P2RY2: variants seen among roughly 807,000 people sequenced by gnomAD.
P2RY2 encodes the protein P2Y purinoceptor 2.
For missense variants in P2RY2, 567 were observed against 515.7 expected, an observed-to-expected ratio of 1.10 and a Z score of -0.96; for synonymous variants, 241 against 231.9, an observed-to-expected ratio of 1.04 and a Z score of -0.35.
At chr11:73,226,065 G>C (rs921219744) in intron 1 of P2RY2, among the ~76,000 whole-genome samples, 3 of 152,194 alleles carry the variant, frequency 2.0e-5, no homozygotes, top group Admixed American at 2.0e-4. Flanking sequence ...GGAGGCTGCT[G>C]CTGTGGACTG....
chr11:73,234,307 C>A lies in P2RY2; in HGVS notation c.148C>A (p.Leu50Met), dbSNP rs971943418. The change falls in exon 3 of 3, where the codon CTG (leucine) becomes ATG (methionine). Residue 50 changes from leucine (L) to methionine (M), a missense_variant. Coordinates refer to ENST00000393597, the MANE Select transcript of P2RY2 (RefSeq NM_002564.4). ...YGVVCVPGLC[L>M]NAVALYIFLC... ...CGTGGTGTGCGTGCCTGGGCTGTGT[C>A]TGAACGCCGTGGCGCTCTACATCTT... 1 of 1,613,822 alleles carries A rather than the reference C, an allele frequency of 6.2e-7. No homozygotes were observed. The highest frequency in any genetic ancestry group is 2.2e-5 in the East Asian group (1 of 44,880).
chr11:73,221,864 A>T (rs1433940336), intron 1 of P2RY2, among the ~76,000 whole-genome samples: 2 of 152,216 alleles, frequency 1.3e-5, no homozygotes, highest in East Asian at 3.8e-4. Flanking sequence ...GGTTGGGCTC[A>T]GAGCAGCTGC....
intron 2 of P2RY2, among the ~76,000 whole-genome samples, chr11:73,231,875 C>A (rs1444818485): frequency 6.6e-6 from 1 of 152,004 alleles, no homozygotes; most frequent in Non-Finnish European, 1.5e-5. Flanking sequence ...CATGGTGAAA[C>A]CCCATCTCTA....
chr11:73,222,105 T>C (rs1047805226), intron 1 of P2RY2, among the ~76,000 whole-genome samples: 1 of 152,158 alleles, frequency 6.6e-6, no homozygotes, highest in African/African-American at 2.4e-5. Flanking sequence ...TCTGCCCTGG[T>C]ACCTTGTCAC....
chr11:73,222,794 G>C (rs773541417), intron 1 of P2RY2, among the ~76,000 whole-genome samples: 2 of 152,174 alleles, frequency 1.3e-5, no homozygotes, highest in Non-Finnish European at 2.9e-5. Context: ...CCAGGTAGGA[G>C]TTGCTGTGTG....
At position 73,242,121 on chromosome 11, in the gene P2RY2, A is replaced by T. The variant is rs985529095; in HGVS notation, c.*6828A>T. 3 of 152,080 alleles carry T rather than the reference A, an allele frequency of 2.0e-5. No homozygotes were observed. Among genetic ancestry groups the T allele is most frequent in the African/African-American group, 7.2e-5 (3 of 41,402 alleles). The allele number at this position is 152,080 out of a possible 1,614,324, so 9.4% of individuals were successfully genotyped here. ...AGCTGGGGCAAGGAACCCTGAGAAG[A>T]TGTCTTACCCCAGTTGTTTCCAGGT... On this transcript the variant is annotated 3_prime_UTR_variant, in exon 3 of 3. Coordinates refer to ENST00000393597, the MANE Select transcript of P2RY2 (RefSeq NM_002564.4).
chr11:73,226,450 C>G (rs1002932595), intron 1 of P2RY2, among the ~76,000 whole-genome samples: 11 of 152,058 alleles, frequency 7.2e-5, no homozygotes, highest in African/African-American at 2.7e-4. Context: ...TCTGAGACCA[C>G]CAGGCAAGGT....
chr11:73,235,239 G>A lies in P2RY2; in HGVS notation c.1080G>A (p.Arg360=). 1 of 1,602,236 alleles carries A rather than the reference G, an allele frequency of 6.2e-7. No homozygotes were observed. The highest frequency in any genetic ancestry group is 8.5e-7 in the Non-Finnish European group (1 of 1,174,128). The change falls in exon 3 of 3, where the codon AGG becomes AGA. Residue 360 remains arginine (R), a synonymous_variant. Coordinates refer to ENST00000393597, the MANE Select transcript of P2RY2 (RefSeq NM_002564.4). The part of the protein sequence containing the change: ...EDVLGSSEDS[R]RTESTPAGSE... ...TGTTGGGCAGCAGTGAGGACTCTAG[G>A]CGGACAGAGTCCACGCCGGCTGGTA...
chr11:73,225,707 C>T (rs941275646), intron 1 of P2RY2, among the ~76,000 whole-genome samples: 1 of 105,016 alleles, frequency 9.5e-6, no homozygotes, highest in Admixed American at 9.4e-5. Flanking sequence ...CCACCTAACA[C>T]AGAACTTGGC....
At chr11:73,224,783 C>T (rs1862229369) in intron 1 of P2RY2, among the ~76,000 whole-genome samples, 2 of 152,200 alleles carry the variant, frequency 1.3e-5, no homozygotes, top group Non-Finnish European at 2.9e-5. Context: ...TGCGAAGCTT[C>T]CTGCCCTTCT....
At chr11:73,220,834 T>G (rs938446348) in intron 1 of P2RY2, among the ~76,000 whole-genome samples, 1 of 152,090 alleles carries the variant, frequency 6.6e-6, no homozygotes, top group Non-Finnish European at 1.5e-5. Flanking sequence ...CCTGGATGCA[T>G]GGGGCTCTAA....
intron 2 of P2RY2, among the ~76,000 whole-genome samples, chr11:73,233,606 G>A (rs576067551): frequency 6.6e-6 from 1 of 152,340 alleles, no homozygotes; most frequent in Admixed American, 6.5e-5. Context: ...TCTAGAGAGG[G>A]GTAAGAAAAC....
chr11:73,223,245 C>G (rs995815709), intron 1 of P2RY2, among the ~76,000 whole-genome samples: 2 of 152,176 alleles, frequency 1.3e-5, no homozygotes, highest in African/African-American at 4.8e-5. Flanking sequence ...GCTTTCATCC[C>G]CCTTTCCACC....
intron 1 of P2RY2, among the ~76,000 whole-genome samples, chr11:73,226,542 A>G (rs1343224978): frequency 1.3e-5 from 2 of 151,028 alleles, no homozygotes; most frequent in Non-Finnish European, 3.0e-5. Flanking sequence ...CAGTGCCCCC[A>G]TCTCCTCTCC....
At chr11:73,221,511 A>G (rs762876699) in intron 1 of P2RY2, among the ~76,000 whole-genome samples, 4 of 152,190 alleles carry the variant, frequency 2.6e-5, no homozygotes, top group Non-Finnish European at 4.4e-5. Flanking sequence ...TCTTGTGGCC[A>G]GATTACCCAA....
chr11:73,232,010 A>G (rs4944022), intron 2 of P2RY2, among the ~76,000 whole-genome samples: 95,447 of 152,094 alleles, frequency 0.63, 34,129 homozygotes, highest in East Asian at 0.94. Flanking sequence ...AGATCAGGCC[A>G]TTGTACTCCA....
rs969269272 is a variant in P2RY2 at position 73,236,952 on chromosome 11, G to A, written c.*1659G>A. 2.6e-5 allele frequency: 26 copies of A among 985,120 alleles called. No individual in the cohort carries two copies. Among genetic ancestry groups the A allele is most frequent in the South Asian group, 4.7e-5 (1 of 21,278 alleles). 61.0% of individuals were successfully genotyped at this position (985,120 alleles called of 1,614,324 possible). A position where few individuals can be genotyped will look rare whatever the true frequency, so the allele number is the denominator to read the frequency against. ...GCCTCACTCTTGATCTCAAGGACAGGGACTCCCTCCTCTCCCTCTGGGAGA... is the reference window on the plus strand; with the variant it reads ...GCCTCACTCTTGATCTCAAGGACAGAGACTCCCTCCTCTCCCTCTGGGAGA... On this transcript the variant is annotated 3_prime_UTR_variant, in exon 3 of 3. Coordinates refer to ENST00000393597, the MANE Select transcript of P2RY2 (RefSeq NM_002564.4).
chr11:73,234,619 G>C lies in P2RY2; in HGVS notation c.460G>C (p.Ala154Pro). 1 of 1,567,810 alleles carries C rather than the reference G, an allele frequency of 6.4e-7. No homozygotes were observed. The highest frequency in any genetic ancestry group is 2.2e-5 in the East Asian group (1 of 44,474). The change falls in exon 3 of 3, where the codon GCC becomes CCC. Residue 154 changes from alanine (A) to proline (P), a missense_variant. By Grantham distance (27) the Ala-to-Pro change is conservative. Transcript: ENST00000393597. ...CCGGGCCCGCTACGCTCGCCGGGTG[G>C]CCGGGGCCGTGTGGGTGTTGGTGCT... ...WGRARYARRV[A>P]GAVWVLVLAC...
chr11:73,236,108 G>A lies in P2RY2; in HGVS notation c.*815G>A. The A allele has an allele frequency of 1.0e-6, 1 of 999,684 alleles. No homozygotes were observed. The highest frequency in any genetic ancestry group is 1.7e-5 in the African/African-American group (1 of 57,336). 61.9% of individuals were successfully genotyped at this position (999,684 alleles called of 1,614,324 possible). The stretch of plus-strand genomic sequence containing the variant: ...TCCAGGCCCCAGGTCATCCCCCACT[G>A]TAAAGCCAGTTGGCTTCTGTGCCTG... On this transcript the variant is annotated 3_prime_UTR_variant, in exon 3 of 3. Transcript: ENST00000393597.
Sources: allele counts gnomAD v4.1 joint callset (sites outside exome capture counted in the v4.1 genomes callset), GRCh38; gene constraint gnomAD v4.1.1; transcripts MANE v1.5; gene names NCBI Gene and HGNC (gene_info 2026-07-23, HGNC 2026-07-21).